LST1: variants seen among roughly 807,000 people sequenced by gnomAD.
The protein encoded by LST1 is leukocyte specific transcript 1.
A neutral mutation model predicts 8.5 loss-of-function variants in LST1; 9 were observed. That is an observed-to-expected ratio of 1.06 (90% CI 0.64 to 1.85). LST1 has a LOEUF of 1.85. LST1 is among the 40% of genes most tolerant of loss of function. The pLI, the probability that LST1 is intolerant of heterozygous loss-of-function variation, is 0.00. For synonymous variants in LST1, 53 were observed against 50.4 expected (o/e 1.05, Z -0.21); for missense variants, 121 against 117.1 (o/e 1.03, Z -0.16).
Position 31,587,706 on chromosome 6 carries a change from G to T in LST1, c.85G>T (p.Ala29Ser), listed in dbSNP as rs200346027. The change falls in exon 3 of 5, where the codon GCC becomes TCC. Residue 29 changes from alanine (A) to serine (S), a missense_variant. Transcript: ENST00000438075. Reference protein sequence around the residue: ...LLLLAVVLLSACLCWLHRRVK... With the variant: ...LLLLAVVLLSSCLCWLHRRVK... ...GCTTCTGGCAGTGGTCCTTCTGTCC[G>T]CCTGCCTGTGTTGGCTGCATCGAAG... 1.4e-4 allele frequency: 230 copies of T among 1,589,858 alleles called. 1 individual carries two copies. In the East Asian group the frequency reaches 4.8e-3, roughly 33 times the overall value.
chr6:31,587,872 G>A (rs765864886), intron 3 of LST1, 72 bp from the exon 4 acceptor site: 35 of 1,573,778 alleles, frequency 2.2e-5, no homozygotes, highest in Non-Finnish European at 2.9e-5. Context: ...ACGCCTGCTG[G>A]TGGGGGGAGC....
Position 31,588,576 on chromosome 6 carries a change from C to T in LST1, c.194C>T (p.Pro65Leu). 1 of 1,612,900 alleles carries T rather than the reference C, an allele frequency of 6.2e-7. No homozygotes were observed. Among genetic ancestry groups the T allele is most frequent in the South Asian group, 1.1e-5 (1 of 91,056 alleles). ...HYASLQRLPV[P>L]SSEGPDLRGR... is the part of the protein sequence containing the mutation. ...GCATCTCTGCAGAGGCTGCCAGTGCCCAGCAGTGAGGGACCTGACCTCAGG... is the reference window on the plus strand; with the variant it reads ...GCATCTCTGCAGAGGCTGCCAGTGCTCAGCAGTGAGGGACCTGACCTCAGG... The change falls in exon 5 of 5, where the codon CCC (proline) becomes CTC (leucine). Residue 65 changes from proline (P) to leucine (L), a missense_variant. By Grantham distance (98) the Pro-to-Leu change is moderately conservative (BLOSUM62 -3). Coordinates refer to ENST00000438075, the MANE Select transcript of LST1 (RefSeq NM_205839.3).
chr6:31,587,635 C>T lies in LST1; in HGVS notation c.20-6C>T. 6.3e-7 allele frequency: 1 copy of T among 1,582,028 alleles called. No individual in the cohort carries two copies. The highest frequency in any genetic ancestry group is 8.6e-7 in the Non-Finnish European group (1 of 1,159,628). On this transcript the variant is annotated splice_region_variant and splice_polypyrimidine_tract_variant and intron_variant, in intron 2 of 4. Coordinates refer to ENST00000438075, the MANE Select transcript of LST1 (RefSeq NM_205839.3). ...GCTTCCTAACCTTGAGCCCTCTTCC[C>T]TGAAGATATATGTATCTACGGGGGC...
chr6:31,588,706 G>A lies in LST1; in HGVS notation c.*30G>A, dbSNP rs576930870. On this transcript the variant is annotated 3_prime_UTR_variant, in exon 5 of 5. Coordinates refer to ENST00000438075, the MANE Select transcript of LST1 (RefSeq NM_205839.3). Reference sequence around the variant, plus strand: ...CCCAGACACCTTCCTCAACCCAGGCGGGTGGACAGGGTCCCCCTGTGGTCC... The same window carrying A: ...CCCAGACACCTTCCTCAACCCAGGCAGGTGGACAGGGTCCCCCTGTGGTCC... 1.9e-5 allele frequency: 30 copies of A among 1,612,136 alleles called. No individual in the cohort carries two copies. The East Asian group carries it at 2.7e-4, about 14-fold the overall frequency.
Position 31,587,272 on chromosome 6 carries a change from T to A in LST1, c.-28T>A, listed in dbSNP as rs942067482. 1 of 1,558,182 alleles carries A rather than the reference T, an allele frequency of 6.4e-7. No homozygotes were observed. Among genetic ancestry groups the A allele is most frequent in the Non-Finnish European group, 8.9e-7 (1 of 1,129,170 alleles). On this transcript the variant is annotated 5_prime_UTR_variant, in exon 2 of 5. Transcript: ENST00000438075. ...AGAGCAAGGACTAGAGTTCCTGACC[T>A]CCAGGCCAGTCCCTGATCCCTGACC...
chr6:31,588,440 G>A (rs1772256331), intron 4 of LST1, 78 bp from the exon 5 acceptor site: 15 of 1,422,316 alleles, frequency 1.1e-5, no homozygotes, highest in Non-Finnish European at 1.4e-5. Flanking sequence ...AGTAAGAAAG[G>A]CTGGAGGTGG....
chr6:31,587,701 T>G lies in LST1; in HGVS notation c.80T>G (p.Leu27Arg). 6.3e-7 allele frequency: 1 copy of G among 1,595,298 alleles called. No individual in the cohort carries two copies. Among genetic ancestry groups the G allele is most frequent in the Non-Finnish European group, 8.5e-7 (1 of 1,172,702 alleles). ...CTCCTGCTTCTGGCAGTGGTCCTTC[T>G]GTCCGCCTGCCTGTGTTGGCTGCAT... is the stretch of plus-strand genomic sequence containing the variant. ...GGLLLLAVVL[L>R]SACLCWLHRR... The change falls in exon 3 of 5, where the codon CTG (leucine) becomes CGG (arginine). Residue 27 changes from leucine (L) to arginine (R), a missense_variant. Transcript: ENST00000438075.
chr6:31,587,136 T>C (rs772251986), intron 1 of LST1, 64 bp from the exon 2 acceptor site: 13 of 665,582 alleles, frequency 2.0e-5, no homozygotes, highest in Middle Eastern at 7.7e-4. Flanking sequence ...CAGCTCAGGG[T>C]TGGCACATAA....
intron 4 of LST1, chr6:31,588,304 G>T (rs1168717617): frequency 6.4e-6 from 4 of 627,538 alleles, no homozygotes. Flanking sequence ...GCTGAGGCAG[G>T]AAGATAGCTT....
At chr6:31,587,895 G>A (rs372642836) in intron 3 of LST1, 49 bp from the exon 4 acceptor site, 69 of 1,590,194 alleles carry the variant, frequency 4.3e-5, no homozygotes, top group Middle Eastern at 1.7e-4. Flanking sequence ...GGGAGGGCCC[G>A]GGAGAAGCAC....
At chr6:31,587,564 A>G in intron 2 of LST1, 77 bp from the exon 3 acceptor site, 1 of 944,072 alleles carries the variant, frequency 1.1e-6, no homozygotes, top group Non-Finnish European at 1.6e-6. Context: ...GAATCTGAGA[A>G]AGCTGCAACC....
intron 1 of LST1, 147 bp from the exon 2 acceptor site, chr6:31,587,053 G>A (rs193231990): frequency 4.8e-5 from 28 of 587,924 alleles, no homozygotes; most frequent in Non-Finnish European, 6.1e-5. Context: ...CTTGAATCTC[G>A]GGTCTTTACT....
At chr6:31,586,930 A>C in intron 1 of LST1, 11 of 314,850 alleles carry the variant, frequency 3.5e-5, no homozygotes, top group East Asian at 1.3e-4. Flanking sequence ...AGTCCCCTCC[A>C]AACCACGTGG....
intron 4 of LST1, 160 bp from the exon 5 acceptor site, chr6:31,588,358 C>T (rs1442967842): frequency 2.6e-6 from 2 of 761,032 alleles, no homozygotes; most frequent in Non-Finnish European, 4.2e-6. Flanking sequence ...TAGTGGGACT[C>T]TGTCTCCAAA....
intron 4 of LST1, 96 bp downstream of exon 4, chr6:31,588,062 G>C: frequency 7.7e-7 from 1 of 1,301,400 alleles, no homozygotes; most frequent in Non-Finnish European, 1.1e-6. Flanking sequence ...GGTTGGGGAC[G>C]GGAGACAAGG....
Position 31,588,866 on chromosome 6 carries a change from T to A in LST1, c.*190T>A, listed in dbSNP as rs895618705. The A allele has an allele frequency of 3.4e-6, 3 of 883,462 alleles. No homozygotes were observed. The highest frequency in any genetic ancestry group is 5.1e-6 in the Non-Finnish European group (3 of 584,626). 54.7% of individuals were successfully genotyped at this position (883,462 alleles called of 1,614,324 possible). A position where few individuals can be genotyped will look rare whatever the true frequency, so the allele number is the denominator to read the frequency against. ...TGAATAGGGAATTTTTTAAATTTTT[T>A]AAAAATTAAAATAAAAAAAACACAT... is the stretch of plus-strand genomic sequence containing the variant. On this transcript the variant is annotated 3_prime_UTR_variant, in exon 5 of 5. Coordinates refer to ENST00000438075, the MANE Select transcript of LST1 (RefSeq NM_205839.3).
At chr6:31,587,832 G>A in intron 3 of LST1, 99 bp downstream of exon 3, 1 of 1,531,858 alleles carries the variant, frequency 6.5e-7, no homozygotes, top group Non-Finnish European at 8.9e-7. Context: ...GCCTGGCCCT[G>A]GAGCCACTGG....
At chr6:31,587,916 C>T in intron 3 of LST1, 28 bp from the exon 4 acceptor site, 2 of 1,606,246 alleles carry the variant, frequency 1.2e-6, no homozygotes, top group South Asian at 2.2e-5. Flanking sequence ...AAAGGGTGGG[C>T]TGTGTTGAGC....
Position 31,588,717 on chromosome 6 carries a change from G to T in LST1, c.*41G>T. ...TCCTCAACCCAGGCGGGTGGACAGG[G>T]TCCCCCTGTGGTCCAGCCAGTAAAA... is the stretch of plus-strand genomic sequence containing the variant. On this transcript the variant is annotated 3_prime_UTR_variant, in exon 5 of 5. Transcript: ENST00000438075. 1 of 1,609,774 alleles carries T rather than the reference G, an allele frequency of 6.2e-7. No individual in the cohort carries two copies. Among genetic ancestry groups the T allele is most frequent in the Non-Finnish European group, 8.5e-7 (1 of 1,177,074 alleles).
Sources: allele counts gnomAD v4.1 joint callset, GRCh38; gene constraint gnomAD v4.1.1; transcripts MANE v1.5; gene names NCBI Gene and HGNC (gene_info 2026-07-23, HGNC 2026-07-21).